Variants in TRIO observed in about 807,000 individuals in gnomAD.
The protein encoded by TRIO is triple functional domain protein.
Under a neutral mutation model 351.9 loss-of-function variants are expected in TRIO, and 58 were observed. The observed-to-expected ratio is 0.16, with a 90% CI of 0.13 to 0.21. TRIO has a LOEUF of 0.21. Ranked by LOEUF, TRIO falls within the 10% of genes least tolerant of loss-of-function variation. TRIO has a pLI of 1.00. For missense variants in TRIO, 3,201 were observed against 4,027.8 expected (o/e 0.79, Z 5.56); for synonymous variants, 1,758 against 1,595.7 (o/e 1.10, Z -2.42).
intron 21 of TRIO, among the ~76,000 whole-genome samples, chr5:14,387,013 G>A (rs781468731): frequency 2.6e-5 from 4 of 152,214 alleles, no homozygotes; most frequent in Non-Finnish European, 4.4e-5. Flanking sequence ...TGCTTGCCCC[G>A]AAAGAGCTGT....
intron 34 of TRIO, among the ~76,000 whole-genome samples, chr5:14,456,955 G>T (rs1236740768): frequency 1.3e-5 from 2 of 152,152 alleles, no homozygotes; most frequent in Admixed American, 6.5e-5. Context: ...TCACAACCCA[G>T]CAAAGAGCAT....
intron 12 of TRIO, 133 bp from the exon 13 acceptor site, chr5:14,359,224 C>T (rs965733204): frequency 2.1e-5 from 22 of 1,047,650 alleles, no homozygotes; most frequent in Admixed American, 1.0e-4. Context: ...GAGAGCAGCC[C>T]GTTCCATTTT....
chr5:14,454,573 G>A (rs1328291851), intron 34 of TRIO, among the ~76,000 whole-genome samples: 2 of 152,214 alleles, frequency 1.3e-5, no homozygotes, highest in African/African-American at 2.4e-5. Flanking sequence ...ATAATAGCTT[G>A]CAGCTGGTTT....
chr5:14,481,695 A>C (rs2126607395), intron 45 of TRIO, 77 bp downstream of exon 45: 1 of 1,460,198 alleles, frequency 6.8e-7, no homozygotes, highest in Non-Finnish European at 9.6e-7. Context: ...TTCTCTCCAC[A>C]TAGAGAAAGC....
chr5:14,490,159 G>GC (rs575563948), intron 48 of TRIO, among the ~76,000 whole-genome samples: 1 of 135,172 alleles, frequency 7.4e-6, no homozygotes, highest in Non-Finnish European at 1.6e-5. Flanking sequence ...CGCACCTATA[G>GC]TCCCAGCTAC....
chr5:14,350,513 G>C (rs80235342), intron 11 of TRIO, among the ~76,000 whole-genome samples: 3,271 of 152,204 alleles, frequency 0.021, 114 homozygotes, highest in African/African-American at 0.075. Context: ...GGTTAGTCAC[G>C]TCCATCTTCT....
intron 8 of TRIO, among the ~76,000 whole-genome samples, chr5:14,314,957 G>A (rs748928181): frequency 1.8e-4 from 27 of 152,210 alleles, no homozygotes; most frequent in Non-Finnish European, 1.8e-4. Context: ...CTGTTAGGCT[G>A]TATTAAGTGA....
chr5:14,144,650 C>G (rs1236281905), intron 1 of TRIO, among the ~76,000 whole-genome samples: 1 of 151,870 alleles, frequency 6.6e-6, no homozygotes, highest in Non-Finnish European at 1.5e-5. Flanking sequence ...GAGGCGGTGC[C>G]AGGTGGCCCC....
intron 1 of TRIO, among the ~76,000 whole-genome samples, chr5:14,207,891 A>G (rs1791644661): frequency 6.6e-6 from 1 of 152,238 alleles, no homozygotes; most frequent in South Asian, 2.1e-4. Flanking sequence ...TCAACAAAGA[A>G]GGGCAAATAA....
intron 1 of TRIO, among the ~76,000 whole-genome samples, chr5:14,211,695 A>G (rs900649396): frequency 2.0e-5 from 3 of 151,302 alleles, no homozygotes; most frequent in African/African-American, 7.3e-5. Flanking sequence ...GCATACAGAG[A>G]GCAACAGTTT....
At chr5:14,258,175 G>A (rs1024877368) in intron 1 of TRIO, among the ~76,000 whole-genome samples, 5 of 152,252 alleles carry the variant, frequency 3.3e-5, no homozygotes, top group African/African-American at 1.2e-4. Context: ...CTAGTGAAGT[G>A]CAGCTTTGCC....
chr5:14,387,185 C>T (rs1389513935), intron 21 of TRIO, among the ~76,000 whole-genome samples: 4 of 152,216 alleles, frequency 2.6e-5, no homozygotes, highest in African/African-American at 4.8e-5. Flanking sequence ...TAGATGAAGA[C>T]GTTGCTGAAA....
rs960116615 is a variant in TRIO at position 14,304,529 on chromosome 5, C to T, written c.1437C>T (p.Asp479=). 6.2e-7 allele frequency: 1 copy of T among 1,614,030 alleles called. No individual in the cohort carries two copies. Among genetic ancestry groups the T allele is most frequent in the Admixed American group, 1.7e-5 (1 of 60,012 alleles). Residue 479 remains aspartate, a synonymous_variant, in exon 8 of 57, where the codon GAC becomes GAT. Coordinates refer to ENST00000344204, the MANE Select transcript of TRIO (RefSeq NM_007118.4). ...TAGACCTTCCCTCAGAGCTGCAGGA[C>T]CTAGAAGATGCCATTCATCACCACC... ...GEVDLPSELQ[D]LEDAIHHHQG...
At chr5:14,207,557 C>CACAGAGAGAGAGCCA (rs58848680) in intron 1 of TRIO, among the ~76,000 whole-genome samples, 1 of 146,190 alleles carries the variant, frequency 6.8e-6, no homozygotes, top group Non-Finnish European at 1.5e-5. Context: ...CACACACACA[C>CACAGAGAGAGAGCCA]GGAGCCAGGT....
At chr5:14,488,894 C>T (rs768245502) in intron 48 of TRIO, 7 of 748,892 alleles carry the variant, frequency 9.3e-6, no homozygotes, top group African/African-American at 3.4e-5. Flanking sequence ...AGGCTGGGGC[C>T]GGTCCCTGCG....
rs1757968092 is a variant in TRIO, at chr5:14,509,775, C to CTGGGT, written c.*1355_*1359dup. ...GGGGAGTCCTTTCAACTCAAGGAGG[C>CTGGGT]TGGGTTTCTGGGCACCCTCGAAGTT... On this transcript the variant is annotated 3_prime_UTR_variant, in exon 57 of 57. Transcript: ENST00000344204. The CTGGGT allele has an allele frequency of 1.0e-5, 2 of 197,768 alleles. No individual in the cohort carries two copies. The highest frequency in any genetic ancestry group is 4.8e-5 in the African/African-American group (2 of 41,772). The allele number at this position is 197,768 out of a possible 1,614,324, so 12.3% of individuals were successfully genotyped here.
intron 9 of TRIO, among the ~76,000 whole-genome samples, chr5:14,324,946 A>G (rs1740234300): frequency 6.6e-6 from 1 of 152,228 alleles, no homozygotes; most frequent in South Asian, 2.1e-4. Context: ...TTATTGACGG[A>G]TGAATTTTTA....
Position 14,388,688 on chromosome 5 carries a change from G to GTTTTT in TRIO, c.3948+23_3948+27dup. 144 of 1,439,936 alleles carry GTTTTT rather than the reference G, an allele frequency of 1.0e-4. No homozygotes were observed. Among genetic ancestry groups the GTTTTT allele is most frequent in the South Asian group, 2.8e-4 (21 of 74,540 alleles). 89.2% of individuals were successfully genotyped at this position (1,439,936 alleles called of 1,614,324 possible). ...TCCGGGAATGTATGGATGTAAGTAA[G>GTTTTT]TTTTTTTTTTTTTTTTTTGCTTGTT... On this transcript the variant is annotated intron_variant, in intron 24 of 56. Transcript: ENST00000344204.
At chr5:14,265,500 AT>A (rs1005219043) in intron 1 of TRIO, among the ~76,000 whole-genome samples, 3 of 152,194 alleles carry the variant, frequency 2.0e-5, no homozygotes, top group South Asian at 4.1e-4. Context: ...TAAAAATACC[AT>A]TTTTAACATA....
Sources: allele counts gnomAD v4.1 joint callset (sites outside exome capture counted in the v4.1 genomes callset), GRCh38; gene constraint gnomAD v4.1.1; transcripts MANE v1.5; gene names NCBI Gene and HGNC (gene_info 2026-07-23, HGNC 2026-07-21).